Variants in DNAH7 observed in about 807,000 individuals in gnomAD.
DNAH7 encodes the protein axonemal beta dynein heavy chain 7.
In DNAH7, 397 loss-of-function variants were observed where a neutral mutation model predicts 444.6. The ratio of observed to expected loss-of-function variants is 0.89; its 90% CI spans 0.82 to 0.97. DNAH7 has a LOEUF of 0.97. Ranked by LOEUF, DNAH7 falls within the 50% of genes least tolerant of loss-of-function variation. DNAH7 has a pLI of 0.00. For synonymous variants in DNAH7, 1,636 were observed against 1,624.4 expected, an observed-to-expected ratio of 1.01 and a Z score of -0.17; for missense variants, 4,902 against 4,800.8, an observed-to-expected ratio of 1.02 and a Z score of -0.62.
At chr2:196,005,071 C>T (rs1283703988) in intron 10 of DNAH7, among the ~76,000 whole-genome samples, 1 of 151,222 alleles carries the variant, frequency 6.6e-6, no homozygotes, top group African/African-American at 2.4e-5. Context: ...GAGATCAAGA[C>T]CATCTCAGCT....
At chr2:195,906,550 T>A (rs913768367) in intron 27 of DNAH7, 109 bp downstream of exon 27, 37 of 892,708 alleles carry the variant, frequency 4.1e-5, no homozygotes, top group East Asian at 2.0e-4. Flanking sequence ...CACCTCAGCC[T>A]CCTAAAGTGC....
chr2:195,871,930 CAAA>C (rs553845281), intron 40 of DNAH7, among the ~76,000 whole-genome samples: 2 of 24,740 alleles, frequency 8.1e-5, no homozygotes, highest in East Asian at 2.0e-3. Flanking sequence ...GACTCCGTCT[CAAA>C]AAAAAAAAAA....
intron 48 of DNAH7, among the ~76,000 whole-genome samples, chr2:195,826,789 C>CTGT (rs1697778509): frequency 6.6e-6 from 1 of 152,026 alleles, no homozygotes; most frequent in Non-Finnish European, 1.5e-5. Context: ...CAGGAGAGCC[C>CTGT]AAGATAGTCA....
In DNAH7 at chr2:195,960,488, A is replaced by C; in HGVS notation, c.2663T>G (p.Phe888Cys). ...GCTAGCTGCTTCACTAATACCTTCAAATCGGTCTATATATGGTTCCAGATT... is the reference window on the plus strand; with the variant it reads ...GCTAGCTGCTTCACTAATACCTTCACATCGGTCTATATATGGTTCCAGATT... ...DMNLEPYIDR[F>C]EGISEAASKE... The change falls in exon 18 of 65, where the codon TTT (phenylalanine) becomes TGT (cysteine). Residue 888 changes from phenylalanine (F) to cysteine (C), a missense_variant. Phe to Cys is a radical substitution (Grantham distance 205). Coordinates refer to ENST00000312428, the MANE Select transcript of DNAH7 (RefSeq NM_018897.3). 1 of 1,614,118 alleles carries C rather than the reference A, an allele frequency of 6.2e-7. No homozygotes were observed. Among genetic ancestry groups the C allele is most frequent in the Non-Finnish European group, 8.5e-7 (1 of 1,180,022 alleles).
At chr2:195,932,229 T>C (rs1472444089) in intron 21 of DNAH7, among the ~76,000 whole-genome samples, 3 of 152,136 alleles carry the variant, frequency 2.0e-5, no homozygotes, top group Admixed American at 1.3e-4. Flanking sequence ...CTGTCTGTTG[T>C]TGGTGTATAA....
chr2:196,045,391 A>G (rs1697056465), intron 5 of DNAH7, among the ~76,000 whole-genome samples: 1 of 152,114 alleles, frequency 6.6e-6, no homozygotes, highest in Non-Finnish European at 1.5e-5. Flanking sequence ...AAAGAAAGAA[A>G]GGCAGAAAGA....
At chr2:195,910,976 A>C (rs916759125) in intron 24 of DNAH7, among the ~76,000 whole-genome samples, 1 of 152,166 alleles carries the variant, frequency 6.6e-6, no homozygotes, top group Admixed American at 6.5e-5. Context: ...AACCAGAAAA[A>C]AACTCTAGAG....
chr2:195,960,396 T>C lies in DNAH7; in HGVS notation c.2755A>G (p.Ile919Val). 6.2e-7 allele frequency: 1 copy of C among 1,614,188 alleles called. No individual in the cohort carries two copies. Among genetic ancestry groups the C allele is most frequent in the East Asian group, 2.2e-5 (1 of 44,888 alleles). The change falls in exon 18 of 65, where the codon ATC becomes GTC. Residue 919 changes from isoleucine (I) to valine (V), a missense_variant. Physicochemically the swap from Ile to Val is conservative, Grantham distance 29 (BLOSUM62 3). Transcript: ENST00000312428. ...ITEWDAVEFV[I>V]HSYRETGTFI... ...GTCCCAGTTTCTCTATAAGAATGGATGACAAATTCCACTGCATCCCACTCA... is the reference window on the plus strand; with the variant it reads ...GTCCCAGTTTCTCTATAAGAATGGACGACAAATTCCACTGCATCCCACTCA...
At chr2:195,946,479 C>T (rs928376631) in intron 19 of DNAH7, among the ~76,000 whole-genome samples, 2 of 152,020 alleles carry the variant, frequency 1.3e-5, no homozygotes, top group Non-Finnish European at 2.9e-5. Context: ...ACCTGTCTAC[C>T]CCGGATTAAT....
chr2:196,041,860 A>AAAT (rs146323930), intron 5 of DNAH7, among the ~76,000 whole-genome samples: 56 of 151,682 alleles, frequency 3.7e-4, no homozygotes, highest in Middle Eastern at 3.4e-3. Flanking sequence ...ACTCAACAAC[A>AAAT]AATAATAATA....
Position 195,816,723 on chromosome 2 carries a change from G to C in DNAH7, c.9666C>G (p.Asn3222Lys). Residue 3222 changes from asparagine to lysine, a missense_variant, in exon 51 of 65, where the codon AAC (asparagine) becomes AAG (lysine). By Grantham distance (94) the Asn-to-Lys change is moderately conservative. Coordinates refer to ENST00000312428, the MANE Select transcript of DNAH7 (RefSeq NM_018897.3). ...GTGAATACTGGTACATGGGCTCAATGTTGGCTAAATCAGCAAGAGAAAAAA... is the reference window on the plus strand; with the variant it reads ...GTGAATACTGGTACATGGGCTCAATCTTGGCTAAATCAGCAAGAGAAAAAA... ...ILFFSLADLA[N>K]IEPMYQYSLT... The C allele has an allele frequency of 6.2e-7, 1 of 1,614,154 alleles. No homozygotes were observed. Among genetic ancestry groups the C allele is most frequent in the East Asian group, 2.2e-5 (1 of 44,876 alleles).
chr2:195,862,097 C>T (rs1173475617), intron 41 of DNAH7, 151 bp from the exon 42 acceptor site: 7 of 644,500 alleles, frequency 1.1e-5, no homozygotes, highest in Middle Eastern at 2.8e-4. Context: ...GAAACTTTCC[C>T]GAGGACTTGC....
At chr2:195,794,629 G>T in intron 56 of DNAH7, 91 bp from the exon 57 acceptor site, 1 of 1,226,564 alleles carries the variant, frequency 8.2e-7, no homozygotes, top group African/African-American at 1.5e-5. Context: ...GGAAGGGGGA[G>T]GAAGTATTTT....
At chr2:195,868,258 G>A (rs192601449) in intron 40 of DNAH7, among the ~76,000 whole-genome samples, 3 of 151,460 alleles carry the variant, frequency 2.0e-5, no homozygotes, top group South Asian at 2.1e-4. Flanking sequence ...CACCACACCC[G>A]GCTAATTTTT....
Position 195,737,835 on chromosome 2 carries a change from CAAAAA to C in DNAH7, c.*81_*85del. ...CTTTAGTCAAATGTATTTAAACAAACAAAAAAAAAGGTTTAAGTAGTAAAATATGC... is the reference window on the plus strand; with the variant it reads ...CTTTAGTCAAATGTATTTAAACAAACAAAAGGTTTAAGTAGTAAAATATGC... On this transcript the variant is annotated 3_prime_UTR_variant, in exon 65 of 65. Coordinates refer to ENST00000312428, the MANE Select transcript of DNAH7 (RefSeq NM_018897.3). The C allele has an allele frequency of 8.4e-7, 1 of 1,189,150 alleles. No homozygotes were observed. The highest frequency in any genetic ancestry group is 1.2e-6 in the Non-Finnish European group (1 of 859,420). 73.7% of individuals were successfully genotyped at this position (1,189,150 alleles called of 1,614,324 possible). A position where few individuals can be genotyped will look rare whatever the true frequency, so the allele number is the denominator to read the frequency against.
Position 196,047,425 on chromosome 2 carries a change from T to C in DNAH7, c.325A>G (p.Thr109Ala), listed in dbSNP as rs1697203154. The change falls in exon 5 of 65, where the codon ACT becomes GCT. Residue 109 changes from threonine (T) to alanine (A), a missense_variant. Physicochemically the swap from Thr to Ala is moderately conservative, Grantham distance 58. Coordinates refer to ENST00000312428, the MANE Select transcript of DNAH7 (RefSeq NM_018897.3). ...GGAGATTTGCCCTTTGATTTGGAAG[T>C]AGATGGTCCAACATAACTATCATCA... ...QVDDSYVGPS[T>A]SKSKGKSPHK... The C allele has an allele frequency of 3.7e-6, 6 of 1,605,928 alleles. No homozygotes were observed. The highest frequency in any genetic ancestry group is 3.4e-5 in the South Asian group (3 of 89,492).
intron 12 of DNAH7, chr2:195,994,555 T>C: frequency 2.1e-6 from 1 of 482,402 alleles, no homozygotes; most frequent in Non-Finnish European, 4.1e-6. Flanking sequence ...TCTTGGTTGT[T>C]TGTTTTCACT....
At position 195,808,873 on chromosome 2, in the gene DNAH7, T is replaced by C. The variant is rs1473045641; in HGVS notation, c.9892A>G (p.Asn3298Asp). The C allele has an allele frequency of 1.2e-6, 2 of 1,612,224 alleles. No individual in the cohort carries two copies. The highest frequency in any genetic ancestry group is 1.7e-6 in the Non-Finnish European group (2 of 1,179,208). The change falls in exon 53 of 65, where the codon AAT becomes GAT. Residue 3298 changes from asparagine to aspartate, a missense_variant. Asn to Asp is a conservative substitution (Grantham distance 23). Coordinates refer to ENST00000312428, the MANE Select transcript of DNAH7 (RefSeq NM_018897.3). ...AGCAGAAATCTCCACTCAGCTTTAT[T>C]AATCTTTGGAAAACAAGGCAGCGTG... ...INLLLHERAI[N>D]KAEWRFLLTG...
chr2:195,795,659 A>C (rs1373758068), intron 56 of DNAH7, among the ~76,000 whole-genome samples: 1 of 152,150 alleles, frequency 6.6e-6, no homozygotes, highest in Non-Finnish European at 1.5e-5. Flanking sequence ...GGGGGTTTGA[A>C]CTTTGTCTTG....
Sources: gnomAD v4.1 joint callset for allele counts (sites outside exome capture counted in the v4.1 genomes callset) on GRCh38, gnomAD v4.1.1 for gene constraint, MANE v1.5 for transcripts, NCBI Gene and HGNC (gene_info 2026-07-23, HGNC 2026-07-21) for gene names.